Variants in PRKG1 observed in about 807,000 individuals in gnomAD.
The protein encoded by PRKG1 is protein kinase cGMP-dependent 1.
In PRKG1, 35 loss-of-function variants were observed where a neutral mutation model predicts 88.1. The ratio of observed to expected loss-of-function variants is 0.40; its 90% CI spans 0.30 to 0.53. The LOEUF (loss-of-function observed/expected upper bound fraction) is 0.53. PRKG1 is among the 20% of genes least tolerant of loss of function. The pLI is 0.59. For missense variants in PRKG1, 540 were observed against 839.8 expected (o/e 0.64, Z 4.41); for synonymous variants, 303 against 292.5 (o/e 1.04, Z -0.37).
At chr10:51,560,909 C>A (rs1454955559) in intron 3 of PRKG1, among the ~76,000 whole-genome samples, 2 of 151,538 alleles carry the variant, frequency 1.3e-5, no homozygotes, top group African/African-American at 4.9e-5. Flanking sequence ...CTTTAATGTA[C>A]CACAACTAAA....
chr10:52,232,800 A>G (rs1840557467), intron 9 of PRKG1, among the ~76,000 whole-genome samples: 1 of 152,096 alleles, frequency 6.6e-6, no homozygotes, highest in Non-Finnish European at 1.5e-5. Context: ...AAGTGCCAAC[A>G]CTCAGGACAA....
chr10:51,410,458 A>C (rs1564482419), intron 2 of PRKG1, among the ~76,000 whole-genome samples: 1 of 151,978 alleles, frequency 6.6e-6, no homozygotes, highest in Admixed American at 6.6e-5. Flanking sequence ...TGTAGGGCTG[A>C]GGGGCTAGGT....
At position 51,948,410 on chromosome 10, in the gene PRKG1, A is replaced by T. The variant is rs114436364; in HGVS notation, c.762+40840A>T. 6.3e-3 allele frequency among the ~76,000 whole-genome samples: 954 copies of T among 152,278 alleles called. 10 individuals carry two copies. Among genetic ancestry groups the T allele is most frequent in the African/African-American group, 0.022 (898 of 41,558 alleles). On this transcript the variant is annotated intron_variant, in intron 5 of 17. Coordinates refer to ENST00000373980, the MANE Select transcript of PRKG1 (RefSeq NM_006258.4). Reference sequence around the variant, plus strand: ...CTTAGTGAAATTGAAATATTGAACTATTACAAACATTTAACAAAGAATAGG... The same window carrying T: ...CTTAGTGAAATTGAAATATTGAACTTTTACAAACATTTAACAAAGAATAGG...
intron 2 of PRKG1, among the ~76,000 whole-genome samples, chr10:51,382,704 C>T (rs1837141565): frequency 6.6e-6 from 1 of 152,170 alleles, no homozygotes. Flanking sequence ...TTATACTACA[C>T]ATTTAAAACT....
intron 3 of PRKG1, among the ~76,000 whole-genome samples, chr10:51,766,950 C>T (rs1441061426): frequency 6.6e-6 from 1 of 152,132 alleles, no homozygotes; most frequent in Non-Finnish European, 1.5e-5. Context: ...CAACAGAAGC[C>T]AACTCCACAA....
intron 3 of PRKG1, among the ~76,000 whole-genome samples, chr10:51,754,290 T>C (rs1332194395): frequency 6.6e-6 from 1 of 152,304 alleles, no homozygotes; most frequent in East Asian, 1.9e-4. Context: ...TGATCTATCC[T>C]GGGACTTCAC....
intron 2 of PRKG1, chr10:51,245,814 T>C (rs1468217979): frequency 1.3e-5 from 2 of 152,104 alleles, no homozygotes; most frequent in Non-Finnish European, 2.9e-5. Flanking sequence ...ATGGGAAGCA[T>C]ATCATTTTAG....
At chr10:51,027,032 TACTACA>T (rs1297314694) in intron 1 of PRKG1, among the ~76,000 whole-genome samples, 2 of 152,066 alleles carry the variant, frequency 1.3e-5, no homozygotes, top group African/African-American at 4.8e-5. Flanking sequence ...ACTCAGGACT[TACTACA>T]TAAGTTTTGG....
At chr10:51,560,053 G>T (rs1837417517) in intron 3 of PRKG1, among the ~76,000 whole-genome samples, 1 of 152,052 alleles carries the variant, frequency 6.6e-6, no homozygotes, top group African/African-American at 2.4e-5. Flanking sequence ...TTTAACTTTG[G>T]TACCACTGAT....
chr10:51,063,582 C>T (rs547383597), intron 1 of PRKG1, among the ~76,000 whole-genome samples: 4 of 152,240 alleles, frequency 2.6e-5, no homozygotes, highest in South Asian at 2.1e-4. Flanking sequence ...GTTGTATATG[C>T]GGTCTATCAT....
At chr10:51,617,556 A>G (rs552628142) in intron 3 of PRKG1, among the ~76,000 whole-genome samples, 2 of 152,246 alleles carry the variant, frequency 1.3e-5, no homozygotes, top group East Asian at 1.9e-4. Flanking sequence ...CTATGTTTGA[A>G]TATGTTTATA....
At chr10:51,649,137 C>T (rs950146634) in intron 3 of PRKG1, among the ~76,000 whole-genome samples, 37 of 152,250 alleles carry the variant, frequency 2.4e-4, no homozygotes, top group African/African-American at 8.7e-4. Flanking sequence ...TTGCCCTTTG[C>T]CCCTAGGATT....
At chr10:51,852,213 G>GTATATATATATATATATATATATATATA (rs10650535) in intron 4 of PRKG1, among the ~76,000 whole-genome samples, 10 of 143,288 alleles carry the variant, frequency 7.0e-5, no homozygotes, top group South Asian at 2.2e-4. Flanking sequence ...TTTTATATGT[G>GTATATATATATATATATATATATATATA]TATATATATA....
chr10:51,358,874 A>T lies in PRKG1; in HGVS notation c.479-108849A>T, dbSNP rs948712786. On this transcript the variant is annotated intron_variant, in intron 2 of 17. Coordinates refer to ENST00000373980, the MANE Select transcript of PRKG1 (RefSeq NM_006258.4). ...ATTATTTAAAAGGACAGCTTTAAGAATCAAGTTTTCCTTTAGTTTAAAACC... is the reference window on the plus strand; with the variant it reads ...ATTATTTAAAAGGACAGCTTTAAGATTCAAGTTTTCCTTTAGTTTAAAACC... 6.7e-5 allele frequency among the ~76,000 whole-genome samples: 10 copies of T among 150,118 alleles called. 1 individual carries two copies. Among genetic ancestry groups the T allele is most frequent in the African/African-American group, 2.0e-4 (8 of 40,938 alleles).
At chr10:51,022,297 A>G (rs1287972347) in intron 1 of PRKG1, among the ~76,000 whole-genome samples, 1 of 152,174 alleles carries the variant, frequency 6.6e-6, no homozygotes, top group Non-Finnish European at 1.5e-5. Context: ...AGCCACTCTT[A>G]TAGCATAGGA....
At chr10:51,364,392 A>G (rs2132593649) in intron 2 of PRKG1, among the ~76,000 whole-genome samples, 1 of 152,096 alleles carries the variant, frequency 6.6e-6, no homozygotes, top group South Asian at 2.1e-4. Context: ...TGACATCACA[A>G]AAGGCTATTG....
intron 5 of PRKG1, among the ~76,000 whole-genome samples, chr10:52,047,452 ATAGCT>A (rs1335987794): frequency 1.3e-5 from 2 of 152,172 alleles, no homozygotes; most frequent in Non-Finnish European, 2.9e-5. Flanking sequence ...TACAGATGTG[ATAGCT>A]AACTGGCTCC....
intron 3 of PRKG1, among the ~76,000 whole-genome samples, chr10:51,721,212 T>TAAAAAAAAA (rs55873432): frequency 3.3e-5 from 4 of 122,070 alleles, no homozygotes; most frequent in Non-Finnish European, 3.4e-5. Context: ...CAAGACCTAT[T>TAAAAAAAAA]AAAAAAAAAA....
At chr10:51,149,439 G>T (rs376474876) in intron 1 of PRKG1, among the ~76,000 whole-genome samples, 3 of 152,086 alleles carry the variant, frequency 2.0e-5, no homozygotes, top group Non-Finnish European at 4.4e-5. Context: ...CTAAGATTGT[G>T]TAGAAAGATA....
Sources: gnomAD v4.1 joint callset for allele counts (sites outside exome capture counted in the v4.1 genomes callset) on GRCh38, gnomAD v4.1.1 for gene constraint, MANE v1.5 for transcripts, NCBI Gene and HGNC (gene_info 2026-07-23, HGNC 2026-07-21) for gene names.